Variants in PLEKHA7 observed in about 807,000 individuals in gnomAD.
PLEKHA7 encodes pleckstrin homology domain containing A7, also known as pleckstrin homology domain-containing family A member 7.
Under a neutral mutation model 170.0 loss-of-function variants are expected in PLEKHA7, and 104 were observed. The observed-to-expected ratio is 0.61, with a 90% CI of 0.52 to 0.72. The LOEUF is 0.72. Ranked by LOEUF, PLEKHA7 falls within the 30% of genes least tolerant of loss-of-function variation. The pLI, the probability that PLEKHA7 is intolerant of heterozygous loss-of-function variation, is 0.00. For missense variants in PLEKHA7, 1,615 were observed against 1,671.7 expected (o/e 0.97, Z 0.59); for synonymous variants, 648 against 660.8 (o/e 0.98, Z 0.30).
At chr11:16,932,278 CTTT>C (rs11372688) in intron 3 of PLEKHA7, among the ~76,000 whole-genome samples, 2 of 139,494 alleles carry the variant, frequency 1.4e-5, no homozygotes, top group Non-Finnish European at 1.5e-5. Context: ...TTATTCATTC[CTTT>C]TTTTTTTTTT....
At chr11:16,970,040 A>G (rs560422240) in intron 3 of PLEKHA7, among the ~76,000 whole-genome samples, 107 of 152,352 alleles carry the variant, frequency 7.0e-4, no homozygotes, top group African/African-American at 2.6e-3. Context: ...AGGAAAACAC[A>G]TAGGGCCACA....
At chr11:16,950,572 C>T (rs1274843367) in intron 3 of PLEKHA7, among the ~76,000 whole-genome samples, 1 of 151,826 alleles carries the variant, frequency 6.6e-6, no homozygotes, top group African/African-American at 2.4e-5. Context: ...AAGCATGGTC[C>T]GCAGGCCTTC....
At chr11:16,930,179 A>C (rs997442360) in intron 3 of PLEKHA7, among the ~76,000 whole-genome samples, 7 of 152,186 alleles carry the variant, frequency 4.6e-5, no homozygotes, top group African/African-American at 1.7e-4. Context: ...CAGAGGTAAG[A>C]AAGACAACTC....
intron 9 of PLEKHA7, among the ~76,000 whole-genome samples, chr11:16,837,688 T>TA (rs934093139): frequency 2.0e-5 from 3 of 151,826 alleles, no homozygotes; most frequent in Admixed American, 6.6e-5. Flanking sequence ...CATGGGGGTT[T>TA]AAAAAAAAGA....
At chr11:16,909,420 T>C (rs11820544) in intron 3 of PLEKHA7, among the ~76,000 whole-genome samples, 30,374 of 152,084 alleles carry the variant, frequency 0.2, 4,575 homozygotes, top group African/African-American at 0.41. Context: ...TATCCATAAA[T>C]TACTGAGCAG....
intron 3 of PLEKHA7, among the ~76,000 whole-genome samples, chr11:16,936,335 G>A (rs955901434): frequency 8.2e-5 from 12 of 146,072 alleles, no homozygotes; most frequent in Non-Finnish European, 1.0e-4. Context: ...CCGGGAGGCG[G>A]AGGTTGCAGG....
At chr11:16,794,884 C>T (rs1331571620) in intron 18 of PLEKHA7, 26 bp downstream of exon 18, 2 of 1,571,732 alleles carry the variant, frequency 1.3e-6, no homozygotes, top group African/African-American at 1.4e-5. Context: ...TCAGATCCCC[C>T]ACATCCAGGA....
At chr11:16,922,268 T>C (rs562395536) in intron 3 of PLEKHA7, among the ~76,000 whole-genome samples, 1 of 152,296 alleles carries the variant, frequency 6.6e-6, no homozygotes, top group East Asian at 1.9e-4. Flanking sequence ...TGAAAAATAA[T>C]AGCTATCAAT....
chr11:16,806,102 CT>C (rs1203661251), intron 13 of PLEKHA7, among the ~76,000 whole-genome samples: 8 of 152,314 alleles, frequency 5.3e-5, no homozygotes, highest in Admixed American at 3.9e-4. Context: ...CAGCCAGGGC[CT>C]AGCATATTGA....
At chr11:16,868,086 A>G (rs1453801301) in intron 4 of PLEKHA7, among the ~76,000 whole-genome samples, 2 of 152,082 alleles carry the variant, frequency 1.3e-5, no homozygotes, top group Admixed American at 1.3e-4. Flanking sequence ...CACCTTGACT[A>G]GACAGATATC....
At chr11:16,786,450 C>A in intron 23 of PLEKHA7, 63 bp from the exon 24 acceptor site, 2 of 1,529,046 alleles carry the variant, frequency 1.3e-6, no homozygotes, top group South Asian at 1.2e-5. Context: ...CCCGGCTGGT[C>A]ACCTTTTTCC....
intron 4 of PLEKHA7, among the ~76,000 whole-genome samples, chr11:16,863,143 G>A (rs551136789): frequency 4.6e-5 from 7 of 151,966 alleles, no homozygotes; most frequent in South Asian, 2.1e-4. Context: ...CCCCGCCCCC[G>A]AACCCATAAT....
intron 3 of PLEKHA7, among the ~76,000 whole-genome samples, chr11:16,914,910 A>G (rs537097801): frequency 1.3e-5 from 2 of 152,274 alleles, no homozygotes; most frequent in East Asian, 3.9e-4. Context: ...TCTCCTCAGC[A>G]GCCTCCAGCA....
Position 16,951,284 on chromosome 11 carries a change from T to G in PLEKHA7, c.221+62705A>C, listed in dbSNP as rs548179126. On this transcript the variant is annotated intron_variant, in intron 3 of 26. Transcript: ENST00000531066. ...CATGCAGCATGGGGAAGGTGTTCAG[T>G]TGACATTAGTTGAGTGAATAGGGAT... 1.3e-4 allele frequency among the ~76,000 whole-genome samples: 20 copies of G among 152,136 alleles called. No individual in the cohort carries two copies. In the South Asian group the frequency reaches 3.7e-3, roughly 28 times the overall value.
At chr11:16,962,709 C>T (rs2136631596) in intron 3 of PLEKHA7, among the ~76,000 whole-genome samples, 1 of 152,340 alleles carries the variant, frequency 6.6e-6, no homozygotes, top group South Asian at 2.1e-4. Context: ...GATCCACCCA[C>T]CTCAGCCTCT....
intron 3 of PLEKHA7, among the ~76,000 whole-genome samples, chr11:16,960,554 C>T (rs1861994139): frequency 6.6e-6 from 1 of 152,100 alleles, no homozygotes; most frequent in Non-Finnish European, 1.5e-5. Flanking sequence ...TAGGAAGGCC[C>T]TTCCCTCATC....
chr11:17,011,587 G>A (rs929854163), intron 3 of PLEKHA7, among the ~76,000 whole-genome samples: 1 of 151,974 alleles, frequency 6.6e-6, no homozygotes, highest in Admixed American at 6.6e-5. Context: ...ATTCTCCTGG[G>A]GTTTCTCCTA....
chr11:16,936,901 T>G (rs1860342945), intron 3 of PLEKHA7, among the ~76,000 whole-genome samples: 1 of 152,232 alleles, frequency 6.6e-6, no homozygotes, highest in Non-Finnish European at 1.5e-5. Flanking sequence ...CACAGACACT[T>G]GTAGCTCTGG....
In PLEKHA7 at chr11:16,901,089, C is replaced by T. The variant is rs947369844; in HGVS notation, c.222-29907G>A. 3.2e-4 allele frequency among the ~76,000 whole-genome samples: 48 copies of T among 152,032 alleles called. 1 individual carries two copies. Among genetic ancestry groups the T allele is most frequent in the Admixed American group, 2.4e-3 (37 of 15,258 alleles). ...CTCGAACTCCTGACCTCAGGTGATCCGCCTGCCTCGACCTCCCGAAGTGCT... is the reference window on the plus strand; with the variant it reads ...CTCGAACTCCTGACCTCAGGTGATCTGCCTGCCTCGACCTCCCGAAGTGCT... On this transcript the variant is annotated intron_variant, in intron 3 of 26. Transcript: ENST00000531066.
Sources: gnomAD v4.1 joint callset for allele counts (sites outside exome capture counted in the v4.1 genomes callset) on GRCh38, gnomAD v4.1.1 for gene constraint, MANE v1.5 for transcripts, NCBI Gene and HGNC (gene_info 2026-07-23, HGNC 2026-07-21) for gene names.